Variants in CSNK1G3 observed in about 807,000 individuals in gnomAD.
CSNK1G3 encodes the protein casein kinase I isoform gamma-3.
In CSNK1G3, 23 loss-of-function variants were observed where a neutral mutation model predicts 64.3. That is an observed-to-expected ratio of 0.36 (90% confidence interval 0.26 to 0.51). The LOEUF (loss-of-function observed/expected upper bound fraction) is 0.51, where lower values mean the gene tolerates loss of function less well. Ranked by LOEUF, CSNK1G3 falls within the 20% of genes least tolerant of loss-of-function variation. The pLI is 0.96. For missense variants in CSNK1G3, 357 were observed against 510.5 expected (o/e 0.70, Z 2.90); for synonymous variants, 158 against 162.2 (o/e 0.97, Z 0.20).
At chr5:123,590,032 T>A (rs1472777872) in intron 8 of CSNK1G3, among the ~76,000 whole-genome samples, 3 of 152,128 alleles carry the variant, frequency 2.0e-5, no homozygotes, top group Non-Finnish European at 4.4e-5. Context: ...ACCGGTATTT[T>A]AAATAAAATT....
chr5:123,553,848 G>A (rs907265645), intron 3 of CSNK1G3, among the ~76,000 whole-genome samples: 1 of 152,160 alleles, frequency 6.6e-6, no homozygotes, highest in Admixed American at 6.5e-5. Context: ...GTGATCCTTA[G>A]GTCCTATTGT....
At chr5:123,571,429 A>G (rs1008544090) in intron 4 of CSNK1G3, among the ~76,000 whole-genome samples, 2 of 151,990 alleles carry the variant, frequency 1.3e-5, no homozygotes, top group African/African-American at 4.8e-5. Context: ...GACTACAGTG[A>G]TTACACTAGC....
At chr5:123,549,978 T>A (rs1262062525) in intron 2 of CSNK1G3, among the ~76,000 whole-genome samples, 1 of 152,232 alleles carries the variant, frequency 6.6e-6, no homozygotes, top group Non-Finnish European at 1.5e-5. Context: ...AACTCCTTAT[T>A]TTATTGTTTA....
chr5:123,514,144 A>G (rs1776729249), intron 1 of CSNK1G3, among the ~76,000 whole-genome samples: 1 of 152,200 alleles, frequency 6.6e-6, no homozygotes, highest in Admixed American at 6.5e-5. Context: ...AATATGCATT[A>G]AATAGAAGTA....
At chr5:123,581,846 C>T (rs965528864) in intron 6 of CSNK1G3, among the ~76,000 whole-genome samples, 3 of 151,722 alleles carry the variant, frequency 2.0e-5, no homozygotes, top group Admixed American at 2.0e-4. Flanking sequence ...TGAACCTTTT[C>T]TTCCTTGTAG....
intron 1 of CSNK1G3, among the ~76,000 whole-genome samples, chr5:123,537,428 G>A (rs1170433480): frequency 1.3e-5 from 2 of 151,456 alleles, no homozygotes; most frequent in African/African-American, 2.4e-5. Context: ...ACTTGGAAGG[G>A]TGAGGGGGTG....
At chr5:123,537,066 T>C (rs970043168) in intron 1 of CSNK1G3, among the ~76,000 whole-genome samples, 1 of 152,134 alleles carries the variant, frequency 6.6e-6, no homozygotes, top group Non-Finnish European at 1.5e-5. Context: ...TACCACTGGA[T>C]CCAGCAATCT....
At chr5:123,557,522 C>T in exon 4 of CSNK1G3, 1 of 1,608,006 alleles carries the variant, frequency 6.2e-7, no homozygotes, top group Non-Finnish European at 8.5e-7. Flanking sequence ...AGCACCACAG[C>T]TACATTTGGA....
At chr5:123,520,586 T>G (rs1179680535) in intron 1 of CSNK1G3, among the ~76,000 whole-genome samples, 1 of 151,990 alleles carries the variant, frequency 6.6e-6, no homozygotes, top group Non-Finnish European at 1.5e-5. Flanking sequence ...GAATAAAGTG[T>G]GCCTCAAATG....
chr5:123,600,486 A>G (rs961219297), intron 10 of CSNK1G3, among the ~76,000 whole-genome samples: 2 of 151,990 alleles, frequency 1.3e-5, no homozygotes, highest in East Asian at 3.9e-4. Context: ...TTAGCCAGGC[A>G]TGGTGGTGCA....
intron 4 of CSNK1G3, among the ~76,000 whole-genome samples, chr5:123,565,463 G>A (rs904298210): frequency 6.6e-6 from 1 of 152,142 alleles, no homozygotes; most frequent in African/African-American, 2.4e-5. Context: ...TGATAATTCT[G>A]TACTTAGCAT....
chr5:123,576,352 A>G (rs1789163266), intron 6 of CSNK1G3, among the ~76,000 whole-genome samples: 1 of 152,206 alleles, frequency 6.6e-6, no homozygotes, highest in Non-Finnish European at 1.5e-5. Flanking sequence ...GGCTAGCCAC[A>G]GAAATAGCAA....
chr5:123,563,893 G>A (rs1786286127), intron 4 of CSNK1G3, among the ~76,000 whole-genome samples: 1 of 151,996 alleles, frequency 6.6e-6, no homozygotes, highest in Admixed American at 6.6e-5. Flanking sequence ...AATATGATAT[G>A]AGTGGGTTAG....
intron 1 of CSNK1G3, among the ~76,000 whole-genome samples, chr5:123,518,645 T>C (rs896492892): frequency 1.3e-5 from 2 of 152,212 alleles, no homozygotes; most frequent in African/African-American, 4.8e-5. Flanking sequence ...TTAGGTCACA[T>C]GAACGTCCTA....
At chr5:123,566,370 T>G (rs1786875261) in intron 4 of CSNK1G3, among the ~76,000 whole-genome samples, 1 of 152,228 alleles carries the variant, frequency 6.6e-6, no homozygotes, top group African/African-American at 2.4e-5. Flanking sequence ...AGATGTAACT[T>G]TCATGAATTC....
At position 123,527,107 on chromosome 5, in the gene CSNK1G3, G is replaced by C. The variant is rs546974346; in HGVS notation, c.-248+14537G>C. Among the ~76,000 whole-genome samples the C allele has an allele frequency of 3.9e-5, 6 of 152,188 alleles. No individual in the cohort carries two copies. In the East Asian group the frequency reaches 1.2e-3, roughly 29 times the overall value. ...GATTTGTTAGCTTGATTGCACACCA[G>C]CAATATTGGGACAGTAATATCCTGA... On this transcript the variant is annotated intron_variant, in intron 1 of 12. Transcript: ENST00000345990.
chr5:123,553,524 C>A (rs947104199), intron 3 of CSNK1G3, among the ~76,000 whole-genome samples: 1 of 152,142 alleles, frequency 6.6e-6, no homozygotes, highest in African/African-American at 2.4e-5. Flanking sequence ...GGATTATATT[C>A]TTTGAAAACA....
At chr5:123,602,252 G>T (rs1794627010) in intron 10 of CSNK1G3, among the ~76,000 whole-genome samples, 1 of 152,214 alleles carries the variant, frequency 6.6e-6, no homozygotes, top group Non-Finnish European at 1.5e-5. Context: ...ATTCCATATA[G>T]GATATAGGAA....
At chr5:123,533,499 A>G (rs1208978484) in intron 1 of CSNK1G3, among the ~76,000 whole-genome samples, 2 of 151,224 alleles carry the variant, frequency 1.3e-5, no homozygotes, top group Non-Finnish European at 3.0e-5. Flanking sequence ...ATTTTCTTTT[A>G]TGATTTCTTT....
Sources: gnomAD v4.1 joint callset for allele counts (sites outside exome capture counted in the v4.1 genomes callset) on GRCh38, gnomAD v4.1.1 for gene constraint, MANE v1.5 for transcripts, NCBI Gene and HGNC (gene_info 2026-07-23, HGNC 2026-07-21) for gene names.